ABLIM2: variants seen among roughly 807,000 people sequenced by gnomAD.
ABLIM2 encodes actin binding LIM protein family member 2, also known as actin-binding LIM protein 2.
In ABLIM2, 53 loss-of-function variants were observed where a neutral mutation model predicts 97.7. The observed-to-expected ratio is 0.54, with a 90% CI of 0.44 to 0.68. The LOEUF is 0.68. ABLIM2 is among the 30% of genes least tolerant of loss of function. The probability of loss-of-function intolerance (pLI) is 0.00; values close to 1 mark genes in which losing one functional copy is unlikely to be tolerated. For synonymous variants in ABLIM2, 361 were observed against 345.8 expected, an observed-to-expected ratio of 1.04 and a Z score of -0.49; for missense variants, 835 against 867.2, an observed-to-expected ratio of 0.96 and a Z score of 0.47.
At chr4:8,018,929 A>G (rs975141633) in intron 14 of ABLIM2, among the ~76,000 whole-genome samples, 3 of 152,172 alleles carry the variant, frequency 2.0e-5, no homozygotes, top group Non-Finnish European at 4.4e-5. Context: ...TGTTTTGCAG[A>G]TGAGTAAACC....
Position 8,005,199 on chromosome 4 carries a change from C to T in ABLIM2, c.1618+2860G>A. 2 of 436,610 alleles carry T rather than the reference C, an allele frequency of 4.6e-6. No individual in the cohort carries two copies. Among genetic ancestry groups the T allele is most frequent in the Non-Finnish European group, 9.4e-6 (2 of 211,960 alleles). 27.0% of individuals were successfully genotyped at this position (436,610 alleles called of 1,614,324 possible). A position where few individuals can be genotyped will look rare whatever the true frequency, so the allele number is the denominator to read the frequency against. ...CGGCGGCGGGATGCGTGTGCGCTCG[C>T]TCTGTCGGCGTCTCTGCCTCTCTCA... On this transcript the variant is annotated intron_variant, in intron 16 of 20. Transcript: ENST00000447017. This position sits in a 1 kb window ranked among gnomAD's most constrained non-coding sequence, Gnocchi z 4.9.
intron 4 of ABLIM2, 51 bp from the exon 5 acceptor site, chr4:8,080,853 T>TGGGGAGGCCTCCTGCTCTCCACACTCC: frequency 6.4e-7 from 1 of 1,556,208 alleles, no homozygotes; most frequent in Non-Finnish European, 8.7e-7. Context: ...TGAGAGGTGT[T>TGGGGAGGCCTCCTGCTCTCCACACTCC]GGGGAGGCCT....
intron 1 of ABLIM2, among the ~76,000 whole-genome samples, chr4:8,152,050 G>A (rs536276756): frequency 2.6e-5 from 4 of 152,100 alleles, no homozygotes; most frequent in South Asian, 2.1e-4. Flanking sequence ...GGCAGGTCCC[G>A]CAGCTGGAAA....
intron 20 of ABLIM2, among the ~76,000 whole-genome samples, chr4:7,972,672 G>A (rs532673807): frequency 2.0e-4 from 31 of 152,312 alleles, no homozygotes; most frequent in African/African-American, 7.5e-4. Flanking sequence ...GGGCTCCCCC[G>A]CCACTGTCCT....
At chr4:8,141,172 G>C (rs1261679816) in intron 1 of ABLIM2, among the ~76,000 whole-genome samples, 1 of 152,046 alleles carries the variant, frequency 6.6e-6, no homozygotes, top group African/African-American at 2.4e-5. Context: ...CCGGCCATGT[G>C]ACCTTGGCCA....
Position 8,005,051 on chromosome 4 carries a change from G to T in ABLIM2, c.1618+3008C>A, listed in dbSNP as rs1760173283. ...AGTAGGTGCTCAGTAAGTATCTGGT[G>T]GAGGGATGGATGAATGACTGAATGA... is the stretch of plus-strand genomic sequence containing the variant. On this transcript the variant is annotated intron_variant, in intron 16 of 20. Transcript: ENST00000447017. The surrounding 1 kb of genome is among the most constrained non-coding windows in gnomAD (Gnocchi z 4.9). Among the ~76,000 whole-genome samples the T allele has an allele frequency of 6.6e-6, 1 of 152,210 alleles. No individual in the cohort carries two copies. Among genetic ancestry groups the T allele is most frequent in the African/African-American group, 2.4e-5 (1 of 41,460 alleles).
At chr4:8,008,848 T>C (rs1763045530) in intron 15 of ABLIM2, among the ~76,000 whole-genome samples, 1 of 152,180 alleles carries the variant, frequency 6.6e-6, no homozygotes, top group South Asian at 2.1e-4. Context: ...CACGGGCATA[T>C]ACCCAGGACC....
At chr4:8,042,251 A>G (rs576032861) in intron 9 of ABLIM2, among the ~76,000 whole-genome samples, 1 of 152,186 alleles carries the variant, frequency 6.6e-6, no homozygotes, top group Non-Finnish European at 1.5e-5. Context: ...AAGGCGGGTC[A>G]TAGAAACTAG....
At position 8,054,415 on chromosome 4, in the gene ABLIM2, G is replaced by A. The variant is rs1470097662; in HGVS notation, c.764-169C>T. 6.6e-6 allele frequency among the ~76,000 whole-genome samples: 1 copy of A among 152,228 alleles called. No individual in the cohort carries two copies. The highest frequency in any genetic ancestry group is 1.5e-5 in the Non-Finnish European group (1 of 68,048). Reference sequence around the variant, plus strand: ...TGTGCTGGAGTTAGTGCCGGGCAGGGGGTACCCAGATCACAGTCCCCGCCC... The same window carrying A: ...TGTGCTGGAGTTAGTGCCGGGCAGGAGGTACCCAGATCACAGTCCCCGCCC... On this transcript the variant is annotated intron_variant, in intron 7 of 20. Coordinates refer to ENST00000447017, the MANE Select transcript of ABLIM2 (RefSeq NM_001130083.2). The surrounding 1 kb of genome is among the most constrained non-coding windows in gnomAD (Gnocchi z 4.9).
intron 16 of ABLIM2, among the ~76,000 whole-genome samples, chr4:7,997,422 C>T (rs1218830966): frequency 6.6e-6 from 1 of 152,182 alleles, no homozygotes; most frequent in East Asian, 1.9e-4. Flanking sequence ...TCCTCTCTTC[C>T]TAGGAATTGA....
At chr4:8,092,943 G>C (rs968657066) in intron 3 of ABLIM2, among the ~76,000 whole-genome samples, 1 of 152,082 alleles carries the variant, frequency 6.6e-6, no homozygotes, top group Non-Finnish European at 1.5e-5. Flanking sequence ...CCACTTCCTG[G>C]GTTCAAGAGA....
In ABLIM2 at chr4:8,095,800, G is replaced by A. The variant is rs1258243274; in HGVS notation, c.338+1299C>T. Among the ~76,000 whole-genome samples, 5 of 152,130 alleles carry A rather than the reference G, an allele frequency of 3.3e-5. No individual in the cohort carries two copies. Among genetic ancestry groups the A allele is most frequent in the Non-Finnish European group, 7.4e-5 (5 of 68,020 alleles). The stretch of plus-strand genomic sequence containing the variant: ...CGACCTTTTGGTGTCCACACTGCAT[G>A]CCCTGGGGTTCGACGAGGAATCTCT... On this transcript the variant is annotated intron_variant, in intron 3 of 20. Coordinates refer to ENST00000447017, the MANE Select transcript of ABLIM2 (RefSeq NM_001130083.2). This position sits in a 1 kb window ranked among gnomAD's most constrained non-coding sequence, Gnocchi z 4.7.
At chr4:8,008,436 C>T (rs184082644) in intron 15 of ABLIM2, among the ~76,000 whole-genome samples, 160 of 152,316 alleles carry the variant, frequency 1.1e-3, no homozygotes, top group African/African-American at 3.5e-3. Context: ...CCCCATCTTA[C>T]GGACACAGCC....
rs184885012 is a variant in ABLIM2 at position 8,140,109 on chromosome 4, G to C, written c.10+18571C>G. 7.0e-5 allele frequency among the ~76,000 whole-genome samples: 8 copies of C among 113,772 alleles called. No individual in the cohort carries two copies. In the South Asian group the frequency reaches 2.5e-3, roughly 35 times the overall value. The allele number at this position is 113,772 out of a possible 152,430, so 74.6% of individuals were successfully genotyped here. On this transcript the variant is annotated intron_variant, in intron 1 of 20. Transcript: ENST00000447017. The surrounding 1 kb of genome is among the most constrained non-coding windows in gnomAD (Gnocchi z 5.9). ...ACACACTAGGGCCTGTCAGAGGGGT[G>C]GGGGGAGGGAGAGCATCAGGATAAA...
At position 7,996,286 on chromosome 4, in the gene ABLIM2, C is replaced by A. The variant is rs1264769568; in HGVS notation, c.1619-3359G>T. 6.6e-6 allele frequency among the ~76,000 whole-genome samples: 1 copy of A among 152,206 alleles called. No individual in the cohort carries two copies. The highest frequency in any genetic ancestry group is 1.5e-5 in the Non-Finnish European group (1 of 68,038). Reference sequence around the variant, plus strand: ...ACAAGGCTTCTGGACCATTCCGATGCACACTGGCCTACTGCCTCGAGAACA... The same window carrying A: ...ACAAGGCTTCTGGACCATTCCGATGAACACTGGCCTACTGCCTCGAGAACA... On this transcript the variant is annotated intron_variant, in intron 16 of 20. Coordinates refer to ENST00000447017, the MANE Select transcript of ABLIM2 (RefSeq NM_001130083.2). This position sits in a 1 kb window ranked among gnomAD's most constrained non-coding sequence, Gnocchi z 4.5.
At position 8,019,009 on chromosome 4, in the gene ABLIM2, C is replaced by A. The variant is rs1203228834; in HGVS notation, c.1423+609G>T. ...TCCCAGGAGGAAAGAGAGGGGAGAC[C>A]ATGTGGCCCCGATTCCTGCTCCATG... On this transcript the variant is annotated intron_variant, in intron 14 of 20. Transcript: ENST00000447017. This position sits in a 1 kb window ranked among gnomAD's most constrained non-coding sequence, Gnocchi z 4.3. 6.6e-6 allele frequency among the ~76,000 whole-genome samples: 1 copy of A among 152,150 alleles called. No individual in the cohort carries two copies. Among genetic ancestry groups the A allele is most frequent in the Non-Finnish European group, 1.5e-5 (1 of 68,040 alleles).
intron 1 of ABLIM2, among the ~76,000 whole-genome samples, chr4:8,107,618 C>A (rs1314001898): frequency 6.6e-6 from 1 of 152,136 alleles, no homozygotes; most frequent in East Asian, 1.9e-4. Flanking sequence ...AGCGTGGGGA[C>A]TGAAGGCTCA....
chr4:8,006,877 A>C (rs900162258), intron 16 of ABLIM2: 7 of 324,496 alleles, frequency 2.2e-5, no homozygotes, highest in African/African-American at 1.4e-4. Context: ...GGATTTTTGC[A>C]GGGGGGGGGT....
chr4:8,041,052 C>T (rs753151695), intron 9 of ABLIM2, among the ~76,000 whole-genome samples: 6 of 152,198 alleles, frequency 3.9e-5, no homozygotes, highest in Non-Finnish European at 7.3e-5. Flanking sequence ...TTAATTTGTT[C>T]GAGGCCTTCT....
Sources: gnomAD v4.1 joint callset for allele counts (sites outside exome capture counted in the v4.1 genomes callset) on GRCh38, gnomAD v4.1.1 for gene constraint, Gnocchi (gnomAD v3.1) non-coding constraint, MANE v1.5 for transcripts, NCBI Gene and HGNC (gene_info 2026-07-23, HGNC 2026-07-21) for gene names.